Variants in PDS5A observed in about 807,000 individuals in gnomAD.
PDS5A encodes sister chromatid cohesion protein PDS5 homolog A.
In PDS5A, 42 loss-of-function variants were observed where a neutral mutation model predicts 167.1. The ratio of observed to expected loss-of-function variants is 0.25; its 90% CI spans 0.20 to 0.33. PDS5A has a LOEUF of 0.33. Ranked by LOEUF, PDS5A falls within the 10% of genes least tolerant of loss-of-function variation. The probability of loss-of-function intolerance (pLI) is 1.00; values close to 1 mark genes in which losing one functional copy is unlikely to be tolerated. For synonymous variants in PDS5A, 553 were observed against 554.6 expected, an observed-to-expected ratio of 1.00 and a Z score of 0.04; for missense variants, 1,033 against 1,605.9, an observed-to-expected ratio of 0.64 and a Z score of 6.10.
At chr4:39,973,788 A>T in intron 2 of PDS5A, 1 of 1,267,050 alleles carries the variant, frequency 7.9e-7, no homozygotes, top group Non-Finnish European at 1.2e-6. Context: ...ACCAGCCAGC[A>T]CCTCCTTCAG....
At chr4:39,929,684 G>C (rs1255874934) in intron 2 of PDS5A, among the ~76,000 whole-genome samples, 1 of 149,676 alleles carries the variant, frequency 6.7e-6, no homozygotes, top group African/African-American at 2.5e-5. Flanking sequence ...TGTCGCCACT[G>C]TCAAATATTC....
intron 5 of PDS5A, among the ~76,000 whole-genome samples, chr4:39,924,982 C>T (rs1466415653): frequency 1.3e-5 from 2 of 152,050 alleles, no homozygotes; most frequent in Non-Finnish European, 2.9e-5. Context: ...TGTGGTGGCA[C>T]ACACCTGTAG....
At chr4:39,917,607 C>T (rs1172598338) in intron 7 of PDS5A, among the ~76,000 whole-genome samples, 2 of 151,988 alleles carry the variant, frequency 1.3e-5, no homozygotes. Context: ...TGGAGTCTGG[C>T]TCTGTCACCC....
intron 32 of PDS5A, among the ~76,000 whole-genome samples, chr4:39,826,685 C>T (rs1028630511): frequency 1.3e-5 from 2 of 151,904 alleles, no homozygotes; most frequent in African/African-American, 4.8e-5. Flanking sequence ...CGGTGTTTCA[C>T]CATGTTGGTC....
chr4:39,861,315 A>G (rs1280499602), intron 26 of PDS5A, among the ~76,000 whole-genome samples: 1 of 152,028 alleles, frequency 6.6e-6, no homozygotes, highest in Admixed American at 6.6e-5. Context: ...AGATTTAGCC[A>G]GGAGTGGTGG....
intron 26 of PDS5A, among the ~76,000 whole-genome samples, chr4:39,856,562 T>A (rs1427187606): frequency 6.6e-6 from 1 of 152,178 alleles, no homozygotes; most frequent in East Asian, 1.9e-4. Context: ...ATGCCTGTAA[T>A]CCCAGCACTT....
chr4:39,958,057 A>G (rs1182591485), intron 2 of PDS5A, among the ~76,000 whole-genome samples: 1 of 151,936 alleles, frequency 6.6e-6, no homozygotes, highest in Non-Finnish European at 1.5e-5. Context: ...CACCTAGCTA[A>G]TTTTTTGTAT....
chr4:39,923,380 T>TAA (rs1725176373), intron 5 of PDS5A, among the ~76,000 whole-genome samples: 1 of 149,776 alleles, frequency 6.7e-6, no homozygotes, highest in African/African-American at 2.5e-5. Flanking sequence ...AAAGACCTTT[T>TAA]AAAATAAATT....
At chr4:39,941,114 TTTAC>T (rs1436662631) in intron 2 of PDS5A, among the ~76,000 whole-genome samples, 1 of 152,194 alleles carries the variant, frequency 6.6e-6, no homozygotes, top group Non-Finnish European at 1.5e-5. Flanking sequence ...TCTTCGTAGT[TTTAC>T]TTTTCTCCAA....
chr4:39,951,872 C>G (rs1728428246), intron 2 of PDS5A, among the ~76,000 whole-genome samples: 1 of 129,078 alleles, frequency 7.7e-6, no homozygotes, highest in Admixed American at 8.8e-5. Flanking sequence ...TGCACTCCAG[C>G]CTGGGTGACA....
chr4:39,976,694 T>C, intron 1 of PDS5A, 77 bp from the exon 2 acceptor site: 3 of 719,154 alleles, frequency 4.2e-6, no homozygotes, highest in Non-Finnish European at 6.6e-6. Flanking sequence ...ATCTCTCTAA[T>C]CTGGAAAAGG....
chr4:39,917,022 A>C, intron 8 of PDS5A, 26 bp downstream of exon 8: 1 of 1,397,474 alleles, frequency 7.2e-7, no homozygotes, highest in Non-Finnish European at 9.4e-7. Flanking sequence ...AATTAAAAAA[A>C]AAAAAAGAAA....
At chr4:39,907,528 C>T (rs553466645) in intron 11 of PDS5A, among the ~76,000 whole-genome samples, 2 of 152,070 alleles carry the variant, frequency 1.3e-5, no homozygotes, top group African/African-American at 4.8e-5. Flanking sequence ...ACACCTGACG[C>T]TATTCATTAG....
chr4:39,865,046 CAA>C (rs1458816928), intron 23 of PDS5A, among the ~76,000 whole-genome samples: 3 of 151,854 alleles, frequency 2.0e-5, no homozygotes, highest in Admixed American at 6.6e-5. Context: ...TGCAAAATGC[CAA>C]AGAGTCCTGC....
intron 9 of PDS5A, among the ~76,000 whole-genome samples, chr4:39,913,089 CTT>C (rs57878074): frequency 0.02 from 2,812 of 143,756 alleles, 36 homozygotes; most frequent in Middle Eastern, 0.054. Flanking sequence ...TAATGACTTT[CTT>C]TTTTTTTTTT....
At position 39,898,155 on chromosome 4, in the gene PDS5A, GT is replaced by G. The variant is rs1423137874; in HGVS notation, c.1770+233del. On this transcript the variant is annotated intron_variant, in intron 16 of 32. Transcript: ENST00000303538. ...TACTAAGTTCAAAGTACTTTATCTT[GT>G]AAAATTCCTAAGACCAATCTCCCTG... 135 of 1,221,438 alleles carry G rather than the reference GT, an allele frequency of 1.1e-4. 1 individual carries two copies. The highest frequency in any genetic ancestry group is 1.3e-4 in the Non-Finnish European group (132 of 981,394). The allele number at this position is 1,221,438 out of a possible 1,614,324, so 75.7% of individuals were successfully genotyped here.
At chr4:39,897,746 G>C (rs1722548952) in intron 16 of PDS5A, among the ~76,000 whole-genome samples, 1 of 151,914 alleles carries the variant, frequency 6.6e-6, no homozygotes, top group Non-Finnish European at 1.5e-5. Flanking sequence ...TGTGCCAATA[G>C]TTCTAGCTAT....
chr4:39,826,484 T>TATTTATTTATTTATTTA, intron 32 of PDS5A, among the ~76,000 whole-genome samples: 1 of 150,934 alleles, frequency 6.6e-6, no homozygotes, highest in East Asian at 1.9e-4. Flanking sequence ...TTTATTTATT[T>TATTTATTTATTTATTTA]ATTTATTTAT....
chr4:39,882,382 CCTCT>C (rs1460620681), intron 17 of PDS5A, among the ~76,000 whole-genome samples: 4 of 152,044 alleles, frequency 2.6e-5, no homozygotes, highest in Non-Finnish European at 5.9e-5. Flanking sequence ...TATTATGTTC[CCTCT>C]AAGAAATCTT....
Sources: allele counts gnomAD v4.1 joint callset (sites outside exome capture counted in the v4.1 genomes callset), GRCh38; gene constraint gnomAD v4.1.1; transcripts MANE v1.5; gene names NCBI Gene and HGNC (gene_info 2026-07-23, HGNC 2026-07-21).